ADAR: variants seen among roughly 807,000 people sequenced by gnomAD.
The protein encoded by ADAR is adenosine deaminase RNA specific, also known as double-stranded RNA-specific adenosine deaminase.
In ADAR, 41 loss-of-function variants were observed where a neutral mutation model predicts 113.2. The observed-to-expected ratio is 0.36, with a 90% confidence interval of 0.28 to 0.47. The LOEUF is 0.47. ADAR is among the 20% of genes least tolerant of loss of function. The probability of loss-of-function intolerance (pLI) is 1.00; values close to 1 mark genes in which losing one functional copy is unlikely to be tolerated. For missense variants in ADAR, 1,242 were observed against 1,540.9 expected, an observed-to-expected ratio of 0.81 and a Z score of 3.25; for synonymous variants, 605 against 572.6, an observed-to-expected ratio of 1.06 and a Z score of -0.81.
intron 1 of ADAR, among the ~76,000 whole-genome samples, chr1:154,626,090 A>G (rs1445939247): frequency 6.6e-6 from 1 of 150,834 alleles, no homozygotes; most frequent in East Asian, 2.0e-4. Flanking sequence ...AAAATAATAA[A>G]ATAAAATGAG....
At chr1:154,590,138 A>AGGGGGGGGGGGGG in intron 7 of ADAR, 46 bp downstream of exon 7, 3 of 1,173,766 alleles carry the variant, frequency 2.6e-6, no homozygotes, top group East Asian at 2.5e-5. Flanking sequence ...AGGAGTTAGG[A>AGGGGGGGGGGGGG]GGACCCCCCC....
upstream of ADAR, chr1:154,608,350 C>G (rs1048191659): frequency 2.8e-6 from 1 of 353,382 alleles, no homozygotes; most frequent in Non-Finnish European, 5.1e-6. Flanking sequence ...TTTTTTGAGG[C>G]GGAGTCTCGC....
intron 13 of ADAR, chr1:154,585,545 A>G: frequency 1.1e-6 from 1 of 921,894 alleles, no homozygotes; most frequent in Non-Finnish European, 1.7e-6. Context: ...GACTAAGAGA[A>G]GAAAAGCCCT....
chr1:154,605,876 G>T, intron 1 of ADAR: 2 of 619,090 alleles, frequency 3.2e-6, no homozygotes, highest in Non-Finnish European at 4.0e-6. Flanking sequence ...GTTTCAAAGT[G>T]GCTAGAGTCA....
chr1:154,617,534 T>A (rs1192800508), intron 1 of ADAR, among the ~76,000 whole-genome samples: 3 of 152,124 alleles, frequency 2.0e-5, no homozygotes, highest in Admixed American at 1.3e-4. Context: ...ATAAAGACTG[T>A]CTATCATAAA....
chr1:154,623,470 C>A (rs868266740), intron 1 of ADAR, among the ~76,000 whole-genome samples: 2 of 152,174 alleles, frequency 1.3e-5, no homozygotes, highest in African/African-American at 4.8e-5. Context: ...CATACACACA[C>A]CCCTGCAGTA....
At chr1:154,608,492 CTTTTTTT>C (rs67463447), upstream of ADAR, among the ~76,000 whole-genome samples, 10 of 65,762 alleles carry the variant, frequency 1.5e-4, no homozygotes, top group East Asian at 1.8e-3. Context: ...TCACTCCTGG[CTTTTTTT>C]TTTTTTTTTT....
chr1:154,600,716 C>T, intron 2 of ADAR: 1 of 374,146 alleles, frequency 2.7e-6, no homozygotes, highest in South Asian at 2.4e-5. Flanking sequence ...TCGTGATATG[C>T]CTGCCTCGGC....
intron 10 of ADAR, 120 bp from the exon 11 acceptor site, chr1:154,588,378 T>C (rs1696903485): frequency 6.5e-7 from 1 of 1,529,984 alleles, no homozygotes; most frequent in Admixed American, 1.7e-5. Flanking sequence ...CATGGGAGAC[T>C]GGAGGTGGAC....
chr1:154,606,018 T>C lies in ADAR; in HGVS notation c.15+1974A>G, dbSNP rs933213060. 5.4e-6 allele frequency: 5 copies of C among 925,864 alleles called. No homozygotes were observed. The African/African-American group carries it at 8.9e-5, about 17-fold the overall frequency. The allele number at this position is 925,864 out of a possible 1,614,324, so 57.4% of individuals were successfully genotyped here. A position where few individuals can be genotyped will look rare whatever the true frequency, so the allele number is the denominator to read the frequency against. Reference sequence around the variant, plus strand: ...ATAGTACTCACACGGTTATTTTTTTTCTTGTGAGACGGAGTCTCGCTCTGT... The same window carrying C: ...ATAGTACTCACACGGTTATTTTTTTCCTTGTGAGACGGAGTCTCGCTCTGT... On this transcript the variant is annotated intron_variant, in intron 1 of 14. Transcript: ENST00000368474.
rs1376456030 is a variant in ADAR at position 154,590,221 on chromosome 1, A to G, written c.2459T>C (p.Leu820Pro). 2.1e-6 allele frequency: 3 copies of G among 1,417,324 alleles called. No homozygotes were observed. Among genetic ancestry groups the G allele is most frequent in the Non-Finnish European group, 2.8e-6 (3 of 1,058,956 alleles). 87.8% of individuals were successfully genotyped at this position (1,417,324 alleles called of 1,614,324 possible). Residue 820 changes from leucine (L) to proline (P), a missense_variant, in exon 7 of 15, where the codon CTC (leucine) becomes CCC (proline). Physicochemically the swap from Leu to Pro is moderately conservative, Grantham distance 98 (BLOSUM62 -3). Coordinates refer to ENST00000368474, the MANE Select transcript of ADAR (RefSeq NM_001111.5). ...VTGASLRRTM[L>P]LLSRSPEAQP... ...TGCTTCTGGGGACCTTGAGAGGAGG[A>G]GCATAGTTCTTCTGAGACTGGCCCC...
chr1:154,625,333 G>A (rs1698903117), intron 1 of ADAR, among the ~76,000 whole-genome samples: 1 of 152,062 alleles, frequency 6.6e-6, no homozygotes, highest in Non-Finnish European at 1.5e-5. Flanking sequence ...ATAGCCTGAT[G>A]AGCAAGGGCA....
intron 13 of ADAR, 138 bp from the exon 14 acceptor site, chr1:154,585,482 A>C: frequency 1.6e-6 from 2 of 1,263,596 alleles, no homozygotes; most frequent in South Asian, 1.3e-5. Context: ...TGTTTGGCTA[A>C]GACTGAGCAC....
intron 11 of ADAR, among the ~76,000 whole-genome samples, chr1:154,586,578 G>A (rs987268764): frequency 2.0e-5 from 3 of 152,228 alleles, no homozygotes; most frequent in South Asian, 4.1e-4. Context: ...AACATCTATG[G>A]TGGTGAGGAG....
exon 1 of ADAR, chr1:154,627,918 TC>T (rs758896648): frequency 7.5e-6 from 3 of 401,066 alleles, no homozygotes; most frequent in Non-Finnish European, 9.8e-6. Flanking sequence ...GCCGCGACCC[TC>T]CCCCCACCCT....
intron 11 of ADAR, among the ~76,000 whole-genome samples, chr1:154,587,244 A>G (rs1364079783): frequency 6.6e-6 from 1 of 152,184 alleles, no homozygotes; most frequent in Admixed American, 6.5e-5. Context: ...ATCATACAAT[A>G]TGTGATCTTT....
Position 154,583,977 on chromosome 1 carries a change from T to C in ADAR, c.*829A>G, listed in dbSNP as rs1013057524. 2.0e-5 allele frequency: 3 copies of C among 152,216 alleles called. No individual in the cohort carries two copies. Among genetic ancestry groups the C allele is most frequent in the African/African-American group, 7.2e-5 (3 of 41,460 alleles). The allele number at this position is 152,216 out of a possible 1,614,324, so 9.4% of individuals were successfully genotyped here. ...GAAGAGGCAGCTGGAAGCTTGGCAA[T>C]ATTCCAAGGCATGCCCGTGCTCCCT... is the stretch of plus-strand genomic sequence containing the variant. On this transcript the variant is annotated 3_prime_UTR_variant, in exon 15 of 15. Transcript: ENST00000368474.
chr1:154,603,073 G>A (rs1213584561), intron 1 of ADAR, among the ~76,000 whole-genome samples: 1 of 152,154 alleles, frequency 6.6e-6, no homozygotes, highest in Non-Finnish European at 1.5e-5. Flanking sequence ...CAATAACCAA[G>A]GGAGATGGGA....
intron 1 of ADAR, among the ~76,000 whole-genome samples, chr1:154,613,647 G>A (rs542100745): frequency 2.6e-5 from 4 of 152,204 alleles, no homozygotes; most frequent in African/African-American, 9.6e-5. Flanking sequence ...GCTCATGCCT[G>A]TAATCCCAGC....
Sources: allele counts gnomAD v4.1 joint callset (sites outside exome capture counted in the v4.1 genomes callset), GRCh38; gene constraint gnomAD v4.1.1; transcripts MANE v1.5; gene names NCBI Gene and HGNC (gene_info 2026-07-23, HGNC 2026-07-21).